LRFN2: variants seen among roughly 807,000 people sequenced by gnomAD.
The protein encoded by LRFN2 is leucine rich repeat and fibronectin type III domain containing 2, also known as leucine-rich repeat and fibronectin type-III domain-containing protein 2.
LRFN2 carries 18 observed loss-of-function variants against 37.3 expected under a neutral mutation model. That is an observed-to-expected ratio of 0.48 (90% CI 0.33 to 0.72). LRFN2 has a LOEUF of 0.72. LRFN2 is among the 30% of genes least tolerant of loss of function. The pLI is 0.02. For missense variants in LRFN2, 1,006 were observed against 1,060.7 expected, an observed-to-expected ratio of 0.95 and a Z score of 0.72; for synonymous variants, 556 against 466.6, an observed-to-expected ratio of 1.19 and a Z score of -2.47.
At chr6:40,546,046 CCTGCA>C (rs1254278375) in intron 1 of LRFN2, among the ~76,000 whole-genome samples, 2 of 152,116 alleles carry the variant, frequency 1.3e-5, no homozygotes, top group Non-Finnish European at 2.9e-5. Flanking sequence ...TGGGCTCCAT[CCTGCA>C]CTCTTGACAA....
chr6:40,448,828 A>G (rs1581714109), intron 1 of LRFN2, among the ~76,000 whole-genome samples: 1 of 152,164 alleles, frequency 6.6e-6, no homozygotes, highest in Non-Finnish European at 1.5e-5. Context: ...AGAGCTGGAG[A>G]TTGAATGGAG....
intron 1 of LRFN2, among the ~76,000 whole-genome samples, chr6:40,495,897 C>T (rs901740235): frequency 2.0e-5 from 3 of 152,190 alleles, no homozygotes; most frequent in African/African-American, 4.8e-5. Flanking sequence ...TTCCTCCAAA[C>T]CCCACTGAAA....
At chr6:40,548,251 C>T (rs1415855620) in intron 1 of LRFN2, among the ~76,000 whole-genome samples, 1 of 152,076 alleles carries the variant, frequency 6.6e-6, no homozygotes, top group Admixed American at 6.5e-5. Context: ...ACCAGCCTGG[C>T]CAACCTGGTG....
At chr6:40,459,203 G>A (rs2504843) in intron 1 of LRFN2, among the ~76,000 whole-genome samples, 19,085 of 152,228 alleles carry the variant, frequency 0.13, 1,378 homozygotes, top group Admixed American at 0.21. Flanking sequence ...TGCCCTTTGG[G>A]TCTCACTGTC....
chr6:40,474,517 TCTCA>T (rs943767248), intron 1 of LRFN2, among the ~76,000 whole-genome samples: 5 of 152,184 alleles, frequency 3.3e-5, no homozygotes, highest in Non-Finnish European at 4.4e-5. Context: ...TGAGATGCAG[TCTCA>T]CTCTGTCACC....
intron 1 of LRFN2, among the ~76,000 whole-genome samples, chr6:40,443,580 CA>C (rs1763895318): frequency 6.6e-6 from 1 of 152,158 alleles, no homozygotes; most frequent in Non-Finnish European, 1.5e-5. Flanking sequence ...TCCCACTTTG[CA>C]AAAGGCAAAT....
chr6:40,571,572 G>A (rs1025391306), intron 1 of LRFN2, among the ~76,000 whole-genome samples: 3 of 152,200 alleles, frequency 2.0e-5, no homozygotes, highest in African/African-American at 7.2e-5. Flanking sequence ...GCGGAACCTC[G>A]AGATTCCAGG....
intron 1 of LRFN2, among the ~76,000 whole-genome samples, chr6:40,481,444 A>AG (rs1186863229): frequency 6.6e-6 from 1 of 151,268 alleles, no homozygotes; most frequent in Non-Finnish European, 1.5e-5. Flanking sequence ...TGTCTCAAAA[A>AG]AAAAAAAAAA....
intron 1 of LRFN2, among the ~76,000 whole-genome samples, chr6:40,572,637 T>G (rs749672312): frequency 6.6e-6 from 1 of 152,198 alleles, no homozygotes; most frequent in Non-Finnish European, 1.5e-5. Context: ...CATTTAGAAT[T>G]TATAGACTCT....
At chr6:40,492,984 A>G (rs535131958) in intron 1 of LRFN2, among the ~76,000 whole-genome samples, 16 of 152,174 alleles carry the variant, frequency 1.1e-4, no homozygotes, top group African/African-American at 3.6e-4. Context: ...TGAAGCATCA[A>G]GCAGGTTACA....
intron 1 of LRFN2, among the ~76,000 whole-genome samples, chr6:40,500,518 A>T (rs2113875855): frequency 6.6e-6 from 1 of 152,350 alleles, no homozygotes; most frequent in East Asian, 1.9e-4. Flanking sequence ...TTCCTTAAAG[A>T]TTCTGGAGAG....
intron 1 of LRFN2, among the ~76,000 whole-genome samples, chr6:40,573,767 C>T (rs1040492338): frequency 2.0e-5 from 3 of 152,204 alleles, no homozygotes; most frequent in Admixed American, 1.3e-4. Flanking sequence ...CACCCGAGGT[C>T]ATGAGTTCGA....
At chr6:40,525,133 C>T (rs1253130713) in intron 1 of LRFN2, among the ~76,000 whole-genome samples, 1 of 152,206 alleles carries the variant, frequency 6.6e-6, no homozygotes, top group African/African-American at 2.4e-5. Flanking sequence ...GGCAGTGTCC[C>T]CACCTGGCCC....
rs1762520900 is a variant in LRFN2, at chr6:40,392,232, T to A, written c.2081A>T (p.Asp694Val). 1.9e-6 allele frequency: 3 copies of A among 1,572,042 alleles called. No homozygotes were observed. Among genetic ancestry groups the A allele is most frequent in the Non-Finnish European group, 2.6e-6 (3 of 1,161,440 alleles). ...AGTSARGHHS[D>V]REPLLGPPAA... ...AGGGGGCCCCAGCAGTGGCTCTCGG[T>A]CCGAGTGGTGGCCCCGGGCCGACGT... Residue 694 changes from aspartate to valine, a missense_variant, in exon 3 of 3, where the codon GAC becomes GTC. By Grantham distance (152) the Asp-to-Val change is radical (BLOSUM62 -3). This residue lies in a region of LRFN2 where 398 missense variants were observed against 327.6 expected (regional missense o/e 1.21). Coordinates refer to ENST00000338305, the MANE Select transcript of LRFN2 (RefSeq NM_020737.3). This position sits in a 1 kb window ranked among gnomAD's most constrained non-coding sequence, Gnocchi z 4.7.
chr6:40,409,839 C>A (rs1481127558), intron 2 of LRFN2, among the ~76,000 whole-genome samples: 3 of 152,134 alleles, frequency 2.0e-5, no homozygotes, highest in Non-Finnish European at 4.4e-5. Flanking sequence ...AGGCAGACCC[C>A]CTGGTGAGAG....
At chr6:40,413,569 C>G (rs557822980) in intron 2 of LRFN2, among the ~76,000 whole-genome samples, 3 of 152,308 alleles carry the variant, frequency 2.0e-5, no homozygotes, top group Admixed American at 1.3e-4. Context: ...GGAGGCAGAG[C>G]AGCCATGGTT....
intron 1 of LRFN2, among the ~76,000 whole-genome samples, chr6:40,567,090 G>A (rs1767104452): frequency 6.6e-6 from 1 of 151,962 alleles, no homozygotes; most frequent in African/African-American, 2.4e-5. Flanking sequence ...TTTAAAGAGA[G>A]GAGAAGACAC....
chr6:40,564,836 ATC>A (rs1385555189), intron 1 of LRFN2, among the ~76,000 whole-genome samples: 1 of 151,872 alleles, frequency 6.6e-6, no homozygotes, highest in African/African-American at 2.4e-5. Flanking sequence ...CACAATACCC[ATC>A]TCCACCATCA....
At chr6:40,551,704 A>G (rs432959) in intron 1 of LRFN2, among the ~76,000 whole-genome samples, 19,147 of 152,238 alleles carry the variant, frequency 0.13, 1,387 homozygotes, top group Non-Finnish European at 0.16. Flanking sequence ...ATTCCGGGAT[A>G]GAACTACACA....
Sources: gnomAD v4.1 joint callset for allele counts (sites outside exome capture counted in the v4.1 genomes callset) on GRCh38, gnomAD v4.1.1 for gene constraint, gnomAD v4.1.1 regional missense constraint, Gnocchi (gnomAD v3.1) non-coding constraint, MANE v1.5 for transcripts, NCBI Gene and HGNC (gene_info 2026-07-23, HGNC 2026-07-21) for gene names.